Variants in KCTD16 observed in about 807,000 individuals in gnomAD.
KCTD16 encodes BTB/POZ domain-containing protein KCTD16.
In KCTD16, 13 loss-of-function variants were observed where a neutral mutation model predicts 33.2. The observed-to-expected ratio is 0.39, with a 90% CI of 0.25 to 0.62. KCTD16 has a LOEUF of 0.62. KCTD16 is among the 20% of genes least tolerant of loss of function. The pLI, the probability that KCTD16 is intolerant of heterozygous loss-of-function variation, is 0.50. For missense variants in KCTD16, 441 were observed against 525.1 expected (o/e 0.84, Z 1.57); for synonymous variants, 197 against 195.3 (o/e 1.01, Z -0.07).
chr5:144,210,595 C>T (rs749940836), intron 3 of KCTD16, among the ~76,000 whole-genome samples: 7 of 152,020 alleles, frequency 4.6e-5, no homozygotes, highest in Non-Finnish European at 1.0e-4. Flanking sequence ...TCAGAAAATG[C>T]CTTCTTGATT....
chr5:144,223,985 A>T (rs1423703770), intron 3 of KCTD16, among the ~76,000 whole-genome samples: 1 of 152,052 alleles, frequency 6.6e-6, no homozygotes. Context: ...TTCTAAATAA[A>T]AGGTGAATTT....
chr5:144,258,855 A>G (rs1272380696), intron 3 of KCTD16, among the ~76,000 whole-genome samples: 1 of 152,216 alleles, frequency 6.6e-6, no homozygotes, highest in Non-Finnish European at 1.5e-5. Flanking sequence ...GCTTACCTGC[A>G]GAGAAATGAC....
intron 3 of KCTD16, among the ~76,000 whole-genome samples, chr5:144,319,263 C>T (rs1347135761): frequency 6.6e-6 from 1 of 152,056 alleles, no homozygotes; most frequent in Admixed American, 6.6e-5. Flanking sequence ...ATTTTATTTA[C>T]ATTTTGTAGA....
intron 3 of KCTD16, among the ~76,000 whole-genome samples, chr5:144,221,326 G>A (rs927273022): frequency 1.3e-5 from 2 of 152,150 alleles, no homozygotes; most frequent in Admixed American, 1.3e-4. Context: ...GTGCAGGTTT[G>A]TTACATAGGT....
chr5:144,414,228 T>C (rs549671209), intron 3 of KCTD16, among the ~76,000 whole-genome samples: 11 of 152,334 alleles, frequency 7.2e-5, no homozygotes, highest in African/African-American at 2.6e-4. Flanking sequence ...TTCGTTCATG[T>C]TTTCCTCTCC....
intron 2 of KCTD16, among the ~76,000 whole-genome samples, chr5:144,188,664 G>T (rs763655501): frequency 6.6e-6 from 1 of 152,204 alleles, no homozygotes; most frequent in Non-Finnish European, 1.5e-5. Context: ...AAGCTGTTGT[G>T]CCTAAGGTGA....
chr5:144,220,128 A>C (rs1336455152), intron 3 of KCTD16, among the ~76,000 whole-genome samples: 1 of 152,004 alleles, frequency 6.6e-6, no homozygotes, highest in African/African-American at 2.4e-5. Context: ...TCCCACCTCG[A>C]GGGATTTGTC....
intron 3 of KCTD16, among the ~76,000 whole-genome samples, chr5:144,435,237 T>G (rs143995000): frequency 1.5e-4 from 23 of 152,342 alleles, no homozygotes; most frequent in African/African-American, 4.8e-4. Flanking sequence ...GCGTTTTACC[T>G]GTCTGTAAAT....
At position 144,300,724 on chromosome 5, in the gene KCTD16, G is replaced by A. The variant is rs1326717213; in HGVS notation, c.832+93178G>A. 5.3e-5 allele frequency among the ~76,000 whole-genome samples: 8 copies of A among 152,238 alleles called. No individual in the cohort carries two copies. In the South Asian group the frequency reaches 1.7e-3, roughly 32 times the overall value. ...AAACTCATAATTGATATACAATGTG[G>A]TTGGGCAAAACAGGAGAGTCCACCC... On this transcript the variant is annotated intron_variant, in intron 3 of 3. Coordinates refer to ENST00000512467, the MANE Select transcript of KCTD16 (RefSeq NM_020768.4).
chr5:144,179,774 A>T (rs1160702653), intron 2 of KCTD16, among the ~76,000 whole-genome samples: 2 of 152,244 alleles, frequency 1.3e-5, no homozygotes, highest in African/African-American at 4.8e-5. Flanking sequence ...AAGAGAGGTT[A>T]TGTTATATTT....
At chr5:144,438,292 A>T (rs1753624429) in intron 3 of KCTD16, among the ~76,000 whole-genome samples, 2 of 152,202 alleles carry the variant, frequency 1.3e-5, no homozygotes, top group South Asian at 2.1e-4. Flanking sequence ...ATCTTATTCA[A>T]TCTGCTTTTA....
At chr5:144,244,261 A>G (rs1754487893) in intron 3 of KCTD16, among the ~76,000 whole-genome samples, 1 of 152,318 alleles carries the variant, frequency 6.6e-6, no homozygotes, top group East Asian at 1.9e-4. Flanking sequence ...CAAATGATCT[A>G]TAAGATGCTT....
At chr5:144,331,244 G>C (rs1272824076) in intron 3 of KCTD16, among the ~76,000 whole-genome samples, 1 of 152,150 alleles carries the variant, frequency 6.6e-6, no homozygotes, top group Non-Finnish European at 1.5e-5. Context: ...GCCTGGTCTT[G>C]TGGACATGGT....
At chr5:144,440,986 G>A (rs143889135) in intron 3 of KCTD16, among the ~76,000 whole-genome samples, 11 of 150,640 alleles carry the variant, frequency 7.3e-5, no homozygotes, top group Admixed American at 3.3e-4. Context: ...GAGAACATGC[G>A]GTGTTTGGTT....
chr5:144,281,498 T>C (rs1293038609), intron 3 of KCTD16, among the ~76,000 whole-genome samples: 2 of 152,230 alleles, frequency 1.3e-5, no homozygotes, highest in South Asian at 4.1e-4. Flanking sequence ...TATTTGGGGA[T>C]ATTTCAGATA....
chr5:144,250,877 A>G (rs890379902), intron 3 of KCTD16, among the ~76,000 whole-genome samples: 87 of 152,352 alleles, frequency 5.7e-4, no homozygotes, highest in Non-Finnish European at 1.1e-3. Context: ...ATATTTATGT[A>G]AGTGGATTAA....
At chr5:144,361,503 C>T (rs1337658075) in intron 3 of KCTD16, among the ~76,000 whole-genome samples, 1 of 152,174 alleles carries the variant, frequency 6.6e-6, no homozygotes, top group Non-Finnish European at 1.5e-5. Flanking sequence ...CACTTCAAGT[C>T]TCCATGATTT....
At chr5:144,275,463 C>T (rs1249106619) in intron 3 of KCTD16, among the ~76,000 whole-genome samples, 2 of 152,110 alleles carry the variant, frequency 1.3e-5, no homozygotes, top group Admixed American at 6.6e-5. Context: ...GCTGCCTTGC[C>T]CTATTTACAG....
Position 144,294,912 on chromosome 5 carries a change from C to T in KCTD16, c.832+87366C>T, listed in dbSNP as rs140088877. Reference sequence around the variant, plus strand: ...AGTGGACAGAACTGAGTTCCTGTCACTGCTTCAATATTTATAATGTGCATC... The same window carrying T: ...AGTGGACAGAACTGAGTTCCTGTCATTGCTTCAATATTTATAATGTGCATC... On this transcript the variant is annotated intron_variant, in intron 3 of 3. Transcript: ENST00000512467. Among the ~76,000 whole-genome samples the T allele has an allele frequency of 3.3e-3, 498 of 152,278 alleles. 4 individuals are homozygous for T. The highest frequency in any genetic ancestry group is 0.012 in the African/African-American group (480 of 41,568).
Sources: gnomAD v4.1 joint callset for allele counts (sites outside exome capture counted in the v4.1 genomes callset) on GRCh38, gnomAD v4.1.1 for gene constraint, MANE v1.5 for transcripts, NCBI Gene and HGNC (gene_info 2026-07-23, HGNC 2026-07-21) for gene names.